The following AR variants were observed in gnomAD, a reference collection of about 807,000 sequenced individuals.
AR encodes androgen receptor, also known as dihydrotestosterone receptor.
AR carries 8 observed loss-of-function variants against 53.9 expected under a neutral mutation model. That is an observed-to-expected ratio of 0.15 (90% confidence interval 0.09 to 0.27). The LOEUF (loss-of-function observed/expected upper bound fraction) is 0.27, where lower values mean the gene tolerates loss of function less well. AR is among the 10% of genes least tolerant of loss of function. The pLI is 1.00. For missense variants in AR, 639 were observed against 742.5 expected, an observed-to-expected ratio of 0.86 and a Z score of 1.62; for synonymous variants, 359 against 316.4, an observed-to-expected ratio of 1.13 and a Z score of -1.43.
At chrX:67,637,194 T>C (rs1303904277) in intron 1 of AR, among the ~76,000 whole-genome samples, 1 of 109,752 alleles carries the variant, frequency 9.1e-6, no homozygotes, top group African/African-American at 3.3e-5. Context: ...ATTATTATTA[T>C]ACTTTAAGTT....
At chrX:67,654,853 G>A (rs201214801) in intron 2 of AR, among the ~76,000 whole-genome samples, 166 of 94,896 alleles carry the variant, frequency 1.7e-3, no homozygotes, top group Non-Finnish European at 2.4e-3. Flanking sequence ...CTAGCATGCC[G>A]TCTCCTACAT....
intron 3 of AR, among the ~76,000 whole-genome samples, chrX:67,708,262 G>A (rs1016869744): frequency 5.4e-5 from 6 of 111,759 alleles, no homozygotes; most frequent in Admixed American, 1.9e-4. Flanking sequence ...CATTCTCCCT[G>A]TCACTTTCAG....
intron 1 of AR, chrX:67,568,733 G>T (rs1403266640): frequency 2.5e-6 from 1 of 396,434 alleles, no homozygotes; most frequent in African/African-American, 2.8e-5. Context: ...CATCAGGAGG[G>T]TATGTTAGTT....
At chrX:67,659,841 A>C (rs1926789756) in intron 2 of AR, among the ~76,000 whole-genome samples, 1 of 111,863 alleles carries the variant, frequency 8.9e-6, no homozygotes. Context: ...CCAACAGTGT[A>C]AAAGGGTTCC....
At chrX:67,714,006 G>T (rs1006782009) in intron 4 of AR, among the ~76,000 whole-genome samples, 6 of 112,381 alleles carry the variant, frequency 5.3e-5, no homozygotes, top group African/African-American at 1.9e-4. Flanking sequence ...CCTGTAAGAT[G>T]AACTGTGCTA....
chrX:67,724,181 A>C lies in AR; in HGVS notation c.*340A>C. ...TCAAGTTGTGCTTGTTTACAGCACT[A>C]CTCTGTGCCAGCCACACAAACGTTT... On this transcript the variant is annotated 3_prime_UTR_variant, in exon 8 of 8. Transcript: ENST00000374690. 1 of 244,273 alleles carries C rather than the reference A, an allele frequency of 4.1e-6. No individual in the cohort carries two copies. The highest frequency in any genetic ancestry group is 7.2e-6 in the Non-Finnish European group (1 of 138,189). The allele number at this position is 244,273 out of a possible 1,213,427, so 20.1% of individuals were successfully genotyped here.
intron 2 of AR, among the ~76,000 whole-genome samples, chrX:67,657,967 A>G (rs912258974): frequency 8.9e-6 from 1 of 111,857 alleles, no homozygotes; most frequent in African/African-American, 3.2e-5. Context: ...ATAACCAATC[A>G]TGTGTTATGA....
chrX:67,677,814 T>C, intron 2 of AR, among the ~76,000 whole-genome samples: 1 of 111,400 alleles, frequency 9.0e-6, no homozygotes, highest in Middle Eastern at 4.6e-3. Context: ...AATGAGATTG[T>C]TGGATTAGAT....
chrX:67,702,156 A>G (rs1332816867), intron 3 of AR, among the ~76,000 whole-genome samples: 2 of 111,754 alleles, frequency 1.8e-5, no homozygotes, highest in Non-Finnish European at 3.8e-5. Context: ...GATAAGAAAT[A>G]TCTTTAACCT....
At chrX:67,633,729 A>G (rs1436273830) in intron 1 of AR, among the ~76,000 whole-genome samples, 1 of 112,168 alleles carries the variant, frequency 8.9e-6, no homozygotes, top group Admixed American at 9.5e-5. Flanking sequence ...TTATCTGTCA[A>G]TAATAAGAAA....
intron 1 of AR, among the ~76,000 whole-genome samples, chrX:67,628,849 G>A (rs959765346): frequency 3.8e-4 from 42 of 111,632 alleles, no homozygotes; most frequent in Admixed American, 5.7e-4. Flanking sequence ...AGCATGAAGC[G>A]TTATTGAATT....
At chrX:67,690,466 C>T (rs1234673465) in intron 3 of AR, among the ~76,000 whole-genome samples, 1 of 111,580 alleles carries the variant, frequency 9.0e-6, no homozygotes, top group Non-Finnish European at 1.9e-5. Flanking sequence ...CCTCAGGATC[C>T]CATGTCCTGA....
intron 7 of AR, among the ~76,000 whole-genome samples, chrX:67,723,312 C>CTGTGTGTGTG (rs796606484): frequency 5.4e-4 from 42 of 78,010 alleles, no homozygotes; most frequent in African/African-American, 2.1e-3. Flanking sequence ...GTTTGTCTGT[C>CTGTGTGTGTG]TGTGTGTGTG....
At chrX:67,641,047 C>T (rs1316577032) in intron 1 of AR, among the ~76,000 whole-genome samples, 1 of 111,520 alleles carries the variant, frequency 9.0e-6, no homozygotes, top group African/African-American at 3.3e-5. Flanking sequence ...GTGCCTGGTC[C>T]ATAGGGCCAG....
At chrX:67,624,904 C>CAAAAAAAAAAA (rs140323582) in intron 1 of AR, among the ~76,000 whole-genome samples, 7 of 18,184 alleles carry the variant, frequency 3.8e-4, no homozygotes, top group African/African-American at 1.8e-3. Flanking sequence ...GGCAATTAGG[C>CAAAAAAAAAAA]AAAAAAAAAA....
chrX:67,614,315 T>C (rs1015489479), intron 1 of AR, among the ~76,000 whole-genome samples: 2 of 111,674 alleles, frequency 1.8e-5, no homozygotes, highest in East Asian at 2.8e-4. Context: ...CTCCCTGATA[T>C]ACACTTATAC....
Position 67,643,262 on chromosome X carries a change from G to A in AR, c.1623G>A (p.Glu541=). The change falls in exon 2 of 8, where the codon GAG becomes GAA. Residue 541 remains glutamate (E), a synonymous_variant. Coordinates refer to ENST00000374690, the MANE Select transcript of AR (RefSeq NM_000044.6). ...GTTTTTTGTGTCTTTCCAGTTTGGA[G>A]ACTGCCAGGGACCATGTTTTGCCCA... ...YSGPYGDMRL[E]TARDHVLPID... is the part of the protein sequence containing the mutation. The A allele has an allele frequency of 8.3e-7, 1 of 1,211,420 alleles. No individual in the cohort carries two copies. The highest frequency in any genetic ancestry group is 1.1e-6 in the Non-Finnish European group (1 of 895,290).
chrX:67,684,663 A>G (rs2075955767), intron 2 of AR, among the ~76,000 whole-genome samples: 1 of 111,819 alleles, frequency 8.9e-6, no homozygotes. Flanking sequence ...GGAAAGGAAA[A>G]AGGATCCTTT....
At chrX:67,572,663 T>A (rs1390451124) in intron 1 of AR, among the ~76,000 whole-genome samples, 1 of 111,366 alleles carries the variant, frequency 9.0e-6, no homozygotes, top group East Asian at 2.8e-4. Flanking sequence ...AATTCCGTTT[T>A]TTTCTGTTTT....
Sources: gnomAD v4.1 joint callset for allele counts (sites outside exome capture counted in the v4.1 genomes callset) on GRCh38, gnomAD v4.1.1 for gene constraint, MANE v1.5 for transcripts, NCBI Gene and HGNC (gene_info 2026-07-23, HGNC 2026-07-21) for gene names.